Variants in PADI2 observed in about 807,000 individuals in gnomAD.
The protein encoded by PADI2 is protein-arginine deiminase type-2.
A neutral mutation model predicts 81.1 loss-of-function variants in PADI2; 70 were observed. That is an observed-to-expected ratio of 0.86 (90% CI 0.71 to 1.05). The LOEUF (loss-of-function observed/expected upper bound fraction) is 1.05, where lower values mean the gene tolerates loss of function less well. Among genes scored for constraint, PADI2 ranks in the 50% least tolerant of loss-of-function variants. PADI2 has a pLI of 0.00. For synonymous variants in PADI2, 338 were observed against 358.0 expected (o/e 0.94, Z 0.63); for missense variants, 853 against 889.9 (o/e 0.96, Z 0.53).
At chr1:17,080,903 G>A (rs1485714569) in intron 10 of PADI2, among the ~76,000 whole-genome samples, 1 of 152,242 alleles carries the variant, frequency 6.6e-6, no homozygotes, top group African/African-American at 2.4e-5. Flanking sequence ...CTGAGCCCAT[G>A]GGGTAGATGG....
rs1215224731 is a variant in PADI2, at chr1:17,103,045, G to C, written c.291C>G (p.Tyr97Ter). Residue 97 changes from tyrosine to a stop codon, truncating the protein, a stop_gained, in exon 3 of 16, where the codon TAC becomes TAG. Coordinates refer to ENST00000375486, the MANE Select transcript of PADI2 (RefSeq NM_007365.3). LOFTEE classifies it high-confidence loss of function. ...TGGGAATGCTCCCTTCCTCGTCATA[G>C]TAGTTGACGGTGACCTTGGTGGGGA... ...EASSDKVTVN[Y>*]YDEEGSIPID... The C allele has an allele frequency of 6.2e-7, 1 of 1,612,618 alleles. No homozygotes were observed. Among genetic ancestry groups the C allele is most frequent in the Admixed American group, 1.7e-5 (1 of 59,954 alleles).
intron 6 of PADI2, among the ~76,000 whole-genome samples, chr1:17,087,512 A>ATTTATTTATTTT (rs146103860): frequency 6.7e-6 from 1 of 149,676 alleles, no homozygotes; most frequent in Non-Finnish European, 1.5e-5. Flanking sequence ...TTATTTATTT[A>ATTTATTTATTTT]TTTTTTGAGA....
At position 17,105,096 on chromosome 1, in the gene PADI2, C is replaced by T. The variant is rs965870812; in HGVS notation, c.93-35G>A. On this transcript the variant is annotated intron_variant, in intron 1 of 15. Coordinates refer to ENST00000375486, the MANE Select transcript of PADI2 (RefSeq NM_007365.3). ...GAGATGAGAGAGGGTTAGGGAGAGC[C>T]CTGGGGTAGGTGGGATGAGGGGCTT... The T allele has an allele frequency of 4.8e-6, 7 of 1,450,240 alleles. No individual in the cohort carries two copies. The African/African-American group carries it at 8.5e-5, about 18-fold the overall frequency. The allele number at this position is 1,450,240 out of a possible 1,614,324, so 89.8% of individuals were successfully genotyped here.
chr1:17,112,791 G>A (rs1198204230), intron 1 of PADI2, among the ~76,000 whole-genome samples: 1 of 152,202 alleles, frequency 6.6e-6, no homozygotes, highest in Non-Finnish European at 1.5e-5. Flanking sequence ...CTGATCTATA[G>A]CTACTCCTCT....
At chr1:17,087,183 A>G (rs1236788540) in intron 6 of PADI2, among the ~76,000 whole-genome samples, 7 of 152,186 alleles carry the variant, frequency 4.6e-5, no homozygotes, top group African/African-American at 7.2e-5. Context: ...AAATGTGCCC[A>G]TTATACCAAA....
intron 1 of PADI2, among the ~76,000 whole-genome samples, chr1:17,113,102 T>C (rs1364248438): frequency 6.6e-6 from 1 of 152,198 alleles, no homozygotes; most frequent in Non-Finnish European, 1.5e-5. Context: ...CCTCCATTTA[T>C]TGGTGTCTCA....
chr1:17,076,831 CTTTCCAAAGTGCTGGGATTACAGG>C (rs2078306645), intron 11 of PADI2, among the ~76,000 whole-genome samples: 1 of 152,058 alleles, frequency 6.6e-6, no homozygotes, highest in Non-Finnish European at 1.5e-5. Context: ...CCCACCTCAG[CTTTCCAAAGTGCTGGGATTACAGG>C]TGTGAGCCAC....
rs562338045 is a variant in PADI2 at position 17,100,047 on chromosome 1, G to T, written c.349+2940C>A. Among the ~76,000 whole-genome samples the T allele has an allele frequency of 6.1e-5, 9 of 147,784 alleles. 1 individual carries two copies. In the South Asian group the frequency reaches 1.7e-3, roughly 28 times the overall value. On this transcript the variant is annotated intron_variant, in intron 3 of 15. Transcript: ENST00000375486. ...CCAGCCTCTCAAGATATTGGGGTTG[G>T]GGGGGGGCTTGCCTCTGAGGCGCTG...
intron 1 of PADI2, among the ~76,000 whole-genome samples, chr1:17,105,552 A>T (rs912710008): frequency 6.6e-6 from 1 of 152,014 alleles, no homozygotes; most frequent in Non-Finnish European, 1.5e-5. Context: ...GCACCACCAC[A>T]GCTGGCTAAT....
chr1:17,073,568 G>T (rs1268391829), intron 13 of PADI2, among the ~76,000 whole-genome samples: 1 of 152,100 alleles, frequency 6.6e-6, no homozygotes, highest in African/African-American at 2.4e-5. Flanking sequence ...TAAAAAACAT[G>T]TTGGACATAA....
Position 17,119,128 on chromosome 1 carries a change from C to A in PADI2, c.92+152G>T. On this transcript the variant is annotated intron_variant, in intron 1 of 15. Coordinates refer to ENST00000375486, the MANE Select transcript of PADI2 (RefSeq NM_007365.3). This position sits in a 1 kb window ranked among gnomAD's most constrained non-coding sequence, Gnocchi z 4.8. Reference sequence around the variant, plus strand: ...ACAAGGTTCGGGGGTTGTCAGGTTTCTGGATGAGATTCTTAGGATTTCTGG... The same window carrying A: ...ACAAGGTTCGGGGGTTGTCAGGTTTATGGATGAGATTCTTAGGATTTCTGG... 1 of 572,228 alleles carries A rather than the reference C, an allele frequency of 1.7e-6. No individual in the cohort carries two copies. 35.4% of individuals were successfully genotyped at this position (572,228 alleles called of 1,614,324 possible). A position where few individuals can be genotyped will look rare whatever the true frequency, so the allele number is the denominator to read the frequency against.
Position 17,093,417 on chromosome 1 carries a change from C to T in PADI2, c.529+150G>A, listed in dbSNP as rs980186745. On this transcript the variant is annotated intron_variant, in intron 5 of 15. Coordinates refer to ENST00000375486, the MANE Select transcript of PADI2 (RefSeq NM_007365.3). Reference sequence around the variant, plus strand: ...CCCTTGTCTATTTCCTATGGTTTTGCCTTTGGCTTTAAGCAAGAGTGGGAA... The same window carrying T: ...CCCTTGTCTATTTCCTATGGTTTTGTCTTTGGCTTTAAGCAAGAGTGGGAA... 1.1e-5 allele frequency: 7 copies of T among 648,746 alleles called. No homozygotes were observed. The African/African-American group carries it at 1.3e-4, about 12-fold the overall frequency. The allele number at this position is 648,746 out of a possible 1,614,324, so 40.2% of individuals were successfully genotyped here.
At chr1:17,071,855 C>A (rs1432550424) in intron 13 of PADI2, among the ~76,000 whole-genome samples, 3 of 152,240 alleles carry the variant, frequency 2.0e-5, no homozygotes, top group Admixed American at 2.0e-4. Context: ...GTGGCAGAAG[C>A]AGCATGGCCA....
At chr1:17,091,319 G>A (rs1048337491) in intron 6 of PADI2, among the ~76,000 whole-genome samples, 5 of 149,782 alleles carry the variant, frequency 3.3e-5, no homozygotes, top group African/African-American at 4.9e-5. Context: ...GCCTCCTCCC[G>A]CCACCCCACG....
At chr1:17,092,347 C>T in intron 6 of PADI2, 61 bp downstream of exon 6, 10 of 1,449,918 alleles carry the variant, frequency 6.9e-6, no homozygotes, top group South Asian at 1.3e-5. Flanking sequence ...GCCACAACTG[C>T]TAAGGGGAGG....
At chr1:17,081,671 C>T (rs2078344715) in intron 10 of PADI2, among the ~76,000 whole-genome samples, 1 of 152,226 alleles carries the variant, frequency 6.6e-6, no homozygotes, top group Admixed American at 6.5e-5. Context: ...CCAGCCTGTT[C>T]AGGGCAGAAG....
rs554813997 is a variant in PADI2, at chr1:17,079,920, A to C, written c.1159-505T>G. Among the ~76,000 whole-genome samples, 39 of 151,224 alleles carry C rather than the reference A, an allele frequency of 2.6e-4. 1 individual carries two copies. Among genetic ancestry groups the C allele is most frequent in the Non-Finnish European group, 1.0e-4 (7 of 67,848 alleles). On this transcript the variant is annotated intron_variant, in intron 10 of 15. Coordinates refer to ENST00000375486, the MANE Select transcript of PADI2 (RefSeq NM_007365.3). ...GTGATTCTCCTGCCTCAGCCTCCCC[A>C]GTGGCTAGGATTATAGGCAAGCACC...
chr1:17,095,051 C>T (rs1930863821), intron 4 of PADI2, among the ~76,000 whole-genome samples: 1 of 152,232 alleles, frequency 6.6e-6, no homozygotes, highest in Non-Finnish European at 1.5e-5. Flanking sequence ...GTTTATTTTA[C>T]TTCGTAAGTA....
chr1:17,096,460 A>C (rs961787879), intron 3 of PADI2, among the ~76,000 whole-genome samples: 1 of 152,350 alleles, frequency 6.6e-6, no homozygotes, highest in South Asian at 2.1e-4. Flanking sequence ...GCACATGTGC[A>C]CCTGGGTGTG....
Sources: allele counts gnomAD v4.1 joint callset (sites outside exome capture counted in the v4.1 genomes callset), GRCh38; gene constraint gnomAD v4.1.1; non-coding constraint Gnocchi (gnomAD v3.1); transcripts MANE v1.5; gene names NCBI Gene and HGNC (gene_info 2026-07-23, HGNC 2026-07-21).